The following DLG2 variants were observed in gnomAD, a reference collection of about 807,000 sequenced individuals.
DLG2 encodes the protein disks large homolog 2.
In DLG2, 45 loss-of-function variants were observed where a neutral mutation model predicts 132.5. That is an observed-to-expected ratio of 0.34 (90% CI 0.27 to 0.44). DLG2 has a LOEUF of 0.44. Among genes scored for constraint, DLG2 ranks in the 20% least tolerant of loss-of-function variants. The pLI is 1.00. For missense variants in DLG2, 1,045 were observed against 1,196.9 expected, an observed-to-expected ratio of 0.87 and a Z score of 1.87; for synonymous variants, 424 against 419.6, an observed-to-expected ratio of 1.01 and a Z score of -0.13.
chr11:83,968,936 T>C (rs71465568), intron 12 of DLG2, among the ~76,000 whole-genome samples: 6,470 of 152,236 alleles, frequency 0.042, 198 homozygotes, highest in Non-Finnish European at 0.067. Context: ...ATGGAGAACA[T>C]AGTTGATAAT....
At chr11:84,624,883 A>G (rs1421932036) in intron 6 of DLG2, among the ~76,000 whole-genome samples, 4 of 41,270 alleles carry the variant, frequency 9.7e-5, no homozygotes, top group East Asian at 4.6e-4. Context: ...TTTGAGACGG[A>G]GTCTCGCTCT....
chr11:84,397,674 G>T (rs948964651), intron 7 of DLG2, among the ~76,000 whole-genome samples: 1 of 152,204 alleles, frequency 6.6e-6, no homozygotes, highest in African/African-American at 2.4e-5. Context: ...GAACATTGAC[G>T]TGAGAGCTAT....
intron 6 of DLG2, among the ~76,000 whole-genome samples, chr11:84,714,597 C>T (rs1046476544): frequency 1.8e-5 from 2 of 109,940 alleles, no homozygotes; most frequent in Non-Finnish European, 1.9e-5. Flanking sequence ...CTTTCTCTTT[C>T]TTTCTCTTTC....
At chr11:83,959,197 T>C (rs1248763771) in intron 14 of DLG2, among the ~76,000 whole-genome samples, 2 of 152,150 alleles carry the variant, frequency 1.3e-5, no homozygotes, top group Non-Finnish European at 2.9e-5. Flanking sequence ...TATGCAGGTG[T>C]ACATTTCTTT....
At chr11:85,482,193 T>C (rs1783711132) in intron 3 of DLG2, among the ~76,000 whole-genome samples, 1 of 152,004 alleles carries the variant, frequency 6.6e-6, no homozygotes, top group Non-Finnish European at 1.5e-5. Context: ...GCAGCCTTAA[T>C]GACCAGGCCA....
At chr11:84,556,252 G>C (rs1419288364) in intron 6 of DLG2, among the ~76,000 whole-genome samples, 1 of 152,188 alleles carries the variant, frequency 6.6e-6, no homozygotes, top group Non-Finnish European at 1.5e-5. Context: ...CCAGCTTTGA[G>C]ATTGGGGCCT....
intron 7 of DLG2, among the ~76,000 whole-genome samples, chr11:84,463,715 T>C (rs2099086531): frequency 6.6e-6 from 1 of 151,262 alleles, no homozygotes; most frequent in African/African-American, 2.4e-5. Flanking sequence ...TCGTGTTTGA[T>C]GTACAATGAA....
At chr11:85,562,510 C>G (rs1197825058) in intron 3 of DLG2, among the ~76,000 whole-genome samples, 1 of 151,762 alleles carries the variant, frequency 6.6e-6, no homozygotes, top group Admixed American at 6.6e-5. Flanking sequence ...TTAAAAACTA[C>G]AGACTTCTGA....
chr11:84,174,197 C>T (rs1210143122), intron 8 of DLG2, among the ~76,000 whole-genome samples: 1 of 151,138 alleles, frequency 6.6e-6, no homozygotes, highest in Non-Finnish European at 1.5e-5. Context: ...GTTATCAATT[C>T]CCGCCATCCT....
intron 6 of DLG2, among the ~76,000 whole-genome samples, chr11:84,630,515 C>A (rs2099629710): frequency 1.3e-5 from 2 of 152,012 alleles, no homozygotes; most frequent in Non-Finnish European, 2.9e-5. Flanking sequence ...AAAACAGTAA[C>A]TCTTGATTGT....
intron 7 of DLG2, among the ~76,000 whole-genome samples, chr11:84,292,269 T>C (rs188102765): frequency 6.6e-6 from 1 of 152,160 alleles, no homozygotes; most frequent in Non-Finnish European, 1.5e-5. Context: ...TCTCACCTCA[T>C]GCCTATAGTT....
chr11:84,933,870 T>A (rs549292571), intron 6 of DLG2, among the ~76,000 whole-genome samples: 1 of 152,346 alleles, frequency 6.6e-6, no homozygotes, highest in African/African-American at 2.4e-5. Context: ...TCTTTCCTCA[T>A]TGCCCTGGCA....
At chr11:84,945,339 G>C (rs574135956) in intron 6 of DLG2, among the ~76,000 whole-genome samples, 5 of 152,190 alleles carry the variant, frequency 3.3e-5, no homozygotes. Flanking sequence ...GTGTTCTTGA[G>C]TGAGATCCAG....
At chr11:85,559,610 C>T (rs954406982) in intron 3 of DLG2, among the ~76,000 whole-genome samples, 1 of 150,654 alleles carries the variant, frequency 6.6e-6, no homozygotes, top group Non-Finnish European at 1.5e-5. Context: ...TTTTGTTAAC[C>T]TAAAAAAATT....
chr11:84,724,813 C>T (rs1471029253), intron 6 of DLG2, among the ~76,000 whole-genome samples: 1 of 152,140 alleles, frequency 6.6e-6, no homozygotes, highest in African/African-American at 2.4e-5. Flanking sequence ...TCCTTCATAG[C>T]TTAGCTATCA....
At chr11:83,996,685 G>T (rs1199472841) in intron 11 of DLG2, among the ~76,000 whole-genome samples, 4 of 152,118 alleles carry the variant, frequency 2.6e-5, no homozygotes, top group African/African-American at 9.7e-5. Context: ...TGGAACTGGA[G>T]ATCATTATGT....
chr11:85,257,479 C>T (rs2076728123), intron 4 of DLG2, among the ~76,000 whole-genome samples: 1 of 152,168 alleles, frequency 6.6e-6, no homozygotes. Context: ...TAGATAAACA[C>T]ATGCAGGTAT....
chr11:84,219,622 G>A (rs543166803), intron 8 of DLG2, among the ~76,000 whole-genome samples: 125 of 152,100 alleles, frequency 8.2e-4, no homozygotes, highest in Non-Finnish European at 1.5e-3. Context: ...AACTATTTGC[G>A]GATCCATCTA....
At chr11:85,021,314 CAT>C in intron 6 of DLG2, 1 of 1,259,684 alleles carries the variant, frequency 7.9e-7, no homozygotes, top group Non-Finnish European at 1.2e-6. Flanking sequence ...CACTGAAAGT[CAT>C]AGTCTAAGTC....
Sources: gnomAD v4.1 joint callset for allele counts (sites outside exome capture counted in the v4.1 genomes callset) on GRCh38, gnomAD v4.1.1 for gene constraint, MANE v1.5 for transcripts, NCBI Gene and HGNC (gene_info 2026-07-23, HGNC 2026-07-21) for gene names.